The following ALK variants were observed in gnomAD, a reference collection of about 807,000 sequenced individuals.
The protein encoded by ALK is ALK receptor tyrosine kinase.
A neutral mutation model predicts 163.1 loss-of-function variants in ALK; 74 were observed. The observed-to-expected ratio is 0.45, with a 90% CI of 0.38 to 0.55. The LOEUF (loss-of-function observed/expected upper bound fraction) is 0.55, where lower values mean the gene tolerates loss of function less well. Ranked by LOEUF, ALK falls within the 20% of genes least tolerant of loss-of-function variation. The pLI, the probability that ALK is intolerant of heterozygous loss-of-function variation, is 0.00. For synonymous variants in ALK, 960 were observed against 843.2 expected, an observed-to-expected ratio of 1.14 and a Z score of -2.40; for missense variants, 2,063 against 2,105.3, an observed-to-expected ratio of 0.98 and a Z score of 0.39.
intron 4 of ALK, among the ~76,000 whole-genome samples, chr2:29,452,573 T>G (rs1459474484): frequency 2.0e-5 from 3 of 152,144 alleles, no homozygotes; most frequent in Admixed American, 1.3e-4. Flanking sequence ...CATAATAAAA[T>G]CAATGGAGGA....
intron 1 of ALK, among the ~76,000 whole-genome samples, chr2:29,895,614 G>A (rs1667249579): frequency 6.6e-6 from 1 of 152,204 alleles, no homozygotes; most frequent in Non-Finnish European, 1.5e-5. Context: ...TCTTTTAAAT[G>A]AGTGTTGCAT....
intron 22 of ALK, chr2:29,221,386 G>A: frequency 2.4e-6 from 1 of 417,860 alleles, no homozygotes. Flanking sequence ...GACACACAGG[G>A]CAGTAGGGCC....
At chr2:29,304,226 G>A (rs947424204) in intron 8 of ALK, among the ~76,000 whole-genome samples, 4 of 152,148 alleles carry the variant, frequency 2.6e-5, no homozygotes, top group East Asian at 1.9e-4. Flanking sequence ...GGCTGGGCGC[G>A]GTGGCTTGTG....
At position 29,506,094 on chromosome 2, in the gene ALK, C is replaced by T. The variant is rs184148691; in HGVS notation, c.1154+25821G>A. On this transcript the variant is annotated intron_variant, in intron 4 of 28. Transcript: ENST00000389048. ...CTAGGTAACTGTGGCCAGGAAGGAACGGCTGACTAGGTGGGTACAGAGGCT... is the reference window on the plus strand; with the variant it reads ...CTAGGTAACTGTGGCCAGGAAGGAATGGCTGACTAGGTGGGTACAGAGGCT... Among the ~76,000 whole-genome samples, 18 of 152,260 alleles carry T rather than the reference C, an allele frequency of 1.2e-4. No homozygotes were observed. In the East Asian group the frequency reaches 1.7e-3, roughly 15 times the overall value.
At chr2:29,540,142 T>G (rs1673373944) in intron 3 of ALK, among the ~76,000 whole-genome samples, 1 of 152,174 alleles carries the variant, frequency 6.6e-6, no homozygotes, top group Admixed American at 6.5e-5. Context: ...GAATTTAGAT[T>G]GGCTTTATTG....
At chr2:29,681,073 T>C (rs1573551289) in intron 3 of ALK, 1 of 152,194 alleles carries the variant, frequency 6.6e-6, no homozygotes, top group East Asian at 1.9e-4. Context: ...GCTGTGGCTA[T>C]TCATAGGCAT....
chr2:29,463,691 G>A (rs1016559572), intron 4 of ALK, among the ~76,000 whole-genome samples: 5 of 152,208 alleles, frequency 3.3e-5, no homozygotes, highest in African/African-American at 1.2e-4. Flanking sequence ...TGGTGACTAA[G>A]TCAAGGTTGG....
At chr2:29,299,963 C>T (rs903279192) in intron 8 of ALK, among the ~76,000 whole-genome samples, 1 of 152,196 alleles carries the variant, frequency 6.6e-6, no homozygotes, top group African/African-American at 2.4e-5. Flanking sequence ...GGATTAGTGT[C>T]TGTCTCCTAC....
At chr2:29,823,381 A>C (rs1665103285) in intron 1 of ALK, among the ~76,000 whole-genome samples, 1 of 152,210 alleles carries the variant, frequency 6.6e-6, no homozygotes, top group African/African-American at 2.4e-5. Flanking sequence ...AAAAATGTGG[A>C]AGCGACTTTG....
At chr2:29,377,185 A>G (rs1354372158) in intron 5 of ALK, among the ~76,000 whole-genome samples, 1 of 152,230 alleles carries the variant, frequency 6.6e-6, no homozygotes, top group African/African-American at 2.4e-5. Context: ...TGGAGTTAAT[A>G]GGAGAGCTGA....
chr2:29,751,901 T>C (rs1252186078), intron 1 of ALK, among the ~76,000 whole-genome samples: 4 of 152,200 alleles, frequency 2.6e-5, no homozygotes, highest in Non-Finnish European at 5.9e-5. Context: ...TAAGGATGAC[T>C]ATAAAACAAC....
intron 3 of ALK, among the ~76,000 whole-genome samples, chr2:29,590,821 T>C (rs533386409): frequency 1.4e-4 from 21 of 151,702 alleles, no homozygotes; most frequent in Non-Finnish European, 2.1e-4. Flanking sequence ...CCTGTAATCC[T>C]AGCACTTTGG....
intron 6 of ALK, among the ~76,000 whole-genome samples, chr2:29,321,972 G>T (rs2148252176): frequency 6.6e-6 from 1 of 152,336 alleles, no homozygotes; most frequent in East Asian, 1.9e-4. Context: ...AGGATAAGAG[G>T]GTGAGGGAGA....
At chr2:29,723,403 G>C (rs528405996) in intron 1 of ALK, among the ~76,000 whole-genome samples, 7 of 152,308 alleles carry the variant, frequency 4.6e-5, no homozygotes, top group African/African-American at 1.7e-4. Flanking sequence ...ATCCTGCTGA[G>C]AGACAACTCA....
chr2:29,510,673 A>G (rs565598563), intron 4 of ALK, among the ~76,000 whole-genome samples: 2 of 152,354 alleles, frequency 1.3e-5, no homozygotes, highest in Non-Finnish European at 2.9e-5. Flanking sequence ...CAATTTGCAA[A>G]CAAAGAGAGT....
intron 3 of ALK, among the ~76,000 whole-genome samples, chr2:29,597,395 AAAG>A (rs1419956630): frequency 6.6e-6 from 1 of 152,214 alleles, no homozygotes; most frequent in African/African-American, 2.4e-5. Context: ...ATGATAAATC[AAAG>A]AAGAATATGA....
intron 8 of ALK, among the ~76,000 whole-genome samples, chr2:29,301,989 A>T (rs1457795887): frequency 1.3e-5 from 2 of 152,264 alleles, no homozygotes; most frequent in Non-Finnish European, 2.9e-5. Context: ...CTGTTCTTGA[A>T]GATGAGCTCC....
At chr2:29,903,418 G>A (rs574903449) in intron 1 of ALK, among the ~76,000 whole-genome samples, 20 of 152,154 alleles carry the variant, frequency 1.3e-4, no homozygotes, top group Middle Eastern at 3.4e-3. Context: ...TTTACTGAGC[G>A]CCTACTACGT....
chr2:29,259,651 G>A (rs1335730660), intron 11 of ALK, among the ~76,000 whole-genome samples: 3 of 151,666 alleles, frequency 2.0e-5, no homozygotes, highest in African/African-American at 7.3e-5. Flanking sequence ...TTGCTATTTT[G>A]CTTAGGTGTC....
Sources: gnomAD v4.1 joint callset for allele counts (sites outside exome capture counted in the v4.1 genomes callset) on GRCh38, gnomAD v4.1.1 for gene constraint, MANE v1.5 for transcripts, NCBI Gene and HGNC (gene_info 2026-07-23, HGNC 2026-07-21) for gene names.